Variants in MFNG observed in about 807,000 individuals in gnomAD.
MFNG encodes MFNG O-fucosylpeptide 3-beta-N-acetylglucosaminyltransferase, also known as beta-1,3-N-acetylglucosaminyltransferase manic fringe.
A neutral mutation model predicts 34.2 loss-of-function variants in MFNG; 24 were observed. That is an observed-to-expected ratio of 0.70 (90% CI 0.51 to 0.99). The LOEUF (loss-of-function observed/expected upper bound fraction) is 0.99, where lower values mean the gene tolerates loss of function less well. Among genes scored for constraint, MFNG ranks in the 50% least tolerant of loss-of-function variants. The pLI is 0.00. For synonymous variants in MFNG, 158 were observed against 179.2 expected (o/e 0.88, Z 0.94); for missense variants, 383 against 424.0 (o/e 0.90, Z 0.85).
chr22:37,476,332 A>C (rs1922039296), intron 5 of MFNG, among the ~76,000 whole-genome samples: 1 of 151,470 alleles, frequency 6.6e-6, no homozygotes, highest in Non-Finnish European at 1.5e-5. Flanking sequence ...CCCTTAGATG[A>C]TATTATGAAT....
intron 7 of MFNG, among the ~76,000 whole-genome samples, chr22:37,471,080 A>G (rs974239318): frequency 3.3e-5 from 5 of 151,942 alleles, no homozygotes; most frequent in Admixed American, 6.6e-5. Flanking sequence ...AACAACCTAT[A>G]CTGGCATACT....
chr22:37,483,406 G>A lies in MFNG; in HGVS notation c.255+2517C>T, dbSNP rs1231621907. On this transcript the variant is annotated intron_variant, in intron 1 of 7. Transcript: ENST00000356998. The surrounding 1 kb of genome is among the most constrained non-coding windows in gnomAD (Gnocchi z 4.5). Reference sequence around the variant, plus strand: ...ACCAGGCCTTTCCTACCCTGCCCTCGACAAACTTTTGCCACCAAACAGCCA... The same window carrying A: ...ACCAGGCCTTTCCTACCCTGCCCTCAACAAACTTTTGCCACCAAACAGCCA... 1.3e-5 allele frequency among the ~76,000 whole-genome samples: 2 copies of A among 151,578 alleles called. No homozygotes were observed. Among genetic ancestry groups the A allele is most frequent in the East Asian group, 3.9e-4 (2 of 5,184 alleles).
chr22:37,479,911 G>A (rs548370733), intron 3 of MFNG, among the ~76,000 whole-genome samples: 2 of 152,168 alleles, frequency 1.3e-5, no homozygotes, highest in Non-Finnish European at 2.9e-5. Context: ...GGCTGAGGCA[G>A]GAGAATCGCT....
rs1012463542 is a variant in MFNG, at chr22:37,479,212, AG to A, written c.561+132del. On this transcript the variant is annotated intron_variant, in intron 4 of 7. Transcript: ENST00000356998. ...TGAGGGTTGAAGAGGGGAAGCTACC[AG>A]CCCAAACCCACATAGGGCCAAACCT... 13 of 957,122 alleles carry A rather than the reference AG, an allele frequency of 1.4e-5. No homozygotes were observed. In the African/African-American group the frequency reaches 2.1e-4, roughly 15 times the overall value. 59.3% of individuals were successfully genotyped at this position (957,122 alleles called of 1,614,324 possible).
At position 37,486,070 on chromosome 22, in the gene MFNG, T is replaced by A. The variant is rs1233610187; in HGVS notation, c.108A>T (p.Gln36His). 1.9e-6 allele frequency: 3 copies of A among 1,613,630 alleles called. No homozygotes were observed. Among genetic ancestry groups the A allele is most frequent in the Middle Eastern group, 1.7e-4 (1 of 6,056 alleles). ...YHLNLSPQRV[Q>H]GTPELSQPNP... ...TCGGCTGGCTCAGCTCGGGGGTCCC[T>A]TGTACCCGCTGCGGGGACAGGTTCA... The change falls in exon 1 of 8, where the codon CAA becomes CAT. Residue 36 changes from glutamine (Q) to histidine (H), a missense_variant. Physicochemically the swap from Gln to His is conservative, Grantham distance 24. Coordinates refer to ENST00000356998, the MANE Select transcript of MFNG (RefSeq NM_002405.4).
intron 6 of MFNG, 115 bp downstream of exon 6, chr22:37,474,397 G>C: frequency 8.0e-7 from 1 of 1,252,140 alleles, no homozygotes; most frequent in Non-Finnish European, 1.1e-6. Context: ...GAATACCCAA[G>C]ACCCATAATC....
rs1157813753 is a variant in MFNG, at chr22:37,485,396, A to G, written c.255+527T>C. ...CGGCAGGGGCTATCGGGAAGGCCGA[A>G]GGGATGCCTCCCCCAAGAACAGACC... On this transcript the variant is annotated intron_variant, in intron 1 of 7. Transcript: ENST00000356998. The surrounding 1 kb of genome is among the most constrained non-coding windows in gnomAD (Gnocchi z 5.3). Among the ~76,000 whole-genome samples the G allele has an allele frequency of 6.6e-6, 1 of 152,212 alleles. No individual in the cohort carries two copies. The highest frequency in any genetic ancestry group is 1.9e-4 in the East Asian group (1 of 5,186).
chr22:37,484,380 A>T (rs1922442183), intron 1 of MFNG: 2 of 131,864 alleles, frequency 1.5e-5, no homozygotes, highest in East Asian at 3.3e-4. Flanking sequence ...GGTCACAGAG[A>T]GAAGTGAGCC....
chr22:37,475,483 C>T (rs919223483), intron 5 of MFNG, among the ~76,000 whole-genome samples: 3 of 152,190 alleles, frequency 2.0e-5, no homozygotes, highest in African/African-American at 2.4e-5. Flanking sequence ...CTCAGCCTCC[C>T]AAAGTGCTGG....
At chr22:37,478,223 G>A (rs190967424) in intron 4 of MFNG, among the ~76,000 whole-genome samples, 48 of 152,226 alleles carry the variant, frequency 3.2e-4, no homozygotes, top group African/African-American at 1.1e-3. Context: ...GGGAAGGGAG[G>A]TTGAGCCCCG....
chr22:37,474,147 C>T (rs28669209), intron 6 of MFNG, among the ~76,000 whole-genome samples: 8 of 152,108 alleles, frequency 5.3e-5, no homozygotes, highest in African/African-American at 1.2e-4. Context: ...CTGGGCTCCC[C>T]GGGAGGAATG....
At chr22:37,481,345 T>G (rs1458318896) in intron 1 of MFNG, 3 of 152,722 alleles carry the variant, frequency 2.0e-5, no homozygotes, top group Non-Finnish European at 4.4e-5. Flanking sequence ...CCCTCAAACC[T>G]CACGAGGCAG....
At chr22:37,484,377 G>GCCGCCC in intron 1 of MFNG, 2 of 132,156 alleles carry the variant, frequency 1.5e-5, no homozygotes, top group East Asian at 3.3e-4. Context: ...TGAGGTCACA[G>GCCGCCC]AGAGAAGTGA....
Position 37,482,690 on chromosome 22 carries a change from G to A in MFNG, c.256-1921C>T, listed in dbSNP as rs1009702238. Among the ~76,000 whole-genome samples the A allele has an allele frequency of 3.3e-5, 5 of 152,076 alleles. No homozygotes were observed. The highest frequency in any genetic ancestry group is 6.6e-5 in the Admixed American group (1 of 15,264). ...CCTGGTTACAGAAATTTCTCTCCCCGTCTCTTCCACCAGACGATGGCATCC... is the reference window on the plus strand; with the variant it reads ...CCTGGTTACAGAAATTTCTCTCCCCATCTCTTCCACCAGACGATGGCATCC... On this transcript the variant is annotated intron_variant, in intron 1 of 7. Transcript: ENST00000356998. The surrounding 1 kb of genome is among the most constrained non-coding windows in gnomAD (Gnocchi z 4.1).
intron 7 of MFNG, 62 bp downstream of exon 7, chr22:37,472,381 T>C: frequency 1.6e-6 from 2 of 1,271,580 alleles, no homozygotes; most frequent in Non-Finnish European, 2.2e-6. Flanking sequence ...AGCTCCCCCA[T>C]GTTTGGATGC....
chr22:37,485,968 G>A lies in MFNG; in HGVS notation c.210C>T (p.Arg70=). ...VKTTRAFHRL[R]LELLLDTWVS... ...CCCACGTGTCAAGCAGCAGCTCCAG[G>A]CGCAAGCGGTGGAAAGCCCGGGTCG... The change falls in exon 1 of 8, where the codon CGC becomes CGT. Residue 70 remains arginine (R), a synonymous_variant. Transcript: ENST00000356998. This position sits in a 1 kb window ranked among gnomAD's most constrained non-coding sequence, Gnocchi z 5.3. The A allele has an allele frequency of 6.2e-7, 1 of 1,613,954 alleles. No homozygotes were observed. Among genetic ancestry groups the A allele is most frequent in the Non-Finnish European group, 8.5e-7 (1 of 1,179,886 alleles).
At chr22:37,479,309 C>T (rs374602935) in intron 4 of MFNG, 36 bp downstream of exon 4, 24 of 1,517,892 alleles carry the variant, frequency 1.6e-5, no homozygotes, top group African/African-American at 2.9e-5. Context: ...TTGGGATCAG[C>T]GGGCCAAGGG....
At chr22:37,471,830 CAAAAAAAAAAAA>C (rs913243094) in intron 7 of MFNG, among the ~76,000 whole-genome samples, 4 of 35,512 alleles carry the variant, frequency 1.1e-4, no homozygotes, top group Middle Eastern at 0.025. Flanking sequence ...GGCTCCATCT[CAAAAAAAAAAAA>C]AAAAAAAAAA....
chr22:37,476,600 C>G (rs1211711925), intron 5 of MFNG, among the ~76,000 whole-genome samples: 1 of 152,128 alleles, frequency 6.6e-6, no homozygotes, highest in Non-Finnish European at 1.5e-5. Flanking sequence ...CTCATTTAAC[C>G]CTTACTACAC....
Sources: gnomAD v4.1 joint callset for allele counts (sites outside exome capture counted in the v4.1 genomes callset) on GRCh38, gnomAD v4.1.1 for gene constraint, Gnocchi (gnomAD v3.1) non-coding constraint, MANE v1.5 for transcripts, NCBI Gene and HGNC (gene_info 2026-07-23, HGNC 2026-07-21) for gene names.